Variants in RGS6 observed in about 807,000 individuals in gnomAD.
The protein encoded by RGS6 is regulator of G-protein signaling 6.
A neutral mutation model predicts 78.5 loss-of-function variants in RGS6; 30 were observed. The observed-to-expected ratio is 0.38, with a 90% CI of 0.29 to 0.52. The LOEUF (loss-of-function observed/expected upper bound fraction) is 0.52. Ranked by LOEUF, RGS6 falls within the 20% of genes least tolerant of loss-of-function variation. The pLI is 0.85. For synonymous variants in RGS6, 206 were observed against 206.0 expected, an observed-to-expected ratio of 1.00 and a Z score of 0.00; for missense variants, 495 against 609.7, an observed-to-expected ratio of 0.81 and a Z score of 1.98.
intron 17 of RGS6, chr14:72,540,996 A>G (rs1431615976): frequency 7.8e-7 from 1 of 1,280,852 alleles, no homozygotes; most frequent in Non-Finnish European, 1.0e-6. Context: ...TCCTCTTTCC[A>G]TGCTGGTCGG....
chr14:71,995,486 G>T (rs1017345426), intron 2 of RGS6, among the ~76,000 whole-genome samples: 7 of 152,200 alleles, frequency 4.6e-5, no homozygotes, highest in Admixed American at 4.6e-4. Context: ...GAGTCAAGCT[G>T]TCCGGTTTAT....
chr14:72,029,783 C>T (rs2090542463), intron 2 of RGS6, among the ~76,000 whole-genome samples: 1 of 152,118 alleles, frequency 6.6e-6, no homozygotes, highest in Admixed American at 6.6e-5. Flanking sequence ...GATCTTGGAC[C>T]TTAAGCTGGA....
At chr14:72,302,940 G>A (rs994115574) in intron 2 of RGS6, among the ~76,000 whole-genome samples, 1 of 152,196 alleles carries the variant, frequency 6.6e-6, no homozygotes, top group Non-Finnish European at 1.5e-5. Context: ...GTTTTAGAAA[G>A]GGCTGTTCCC....
chr14:72,277,264 G>C (rs1005885084), intron 2 of RGS6, among the ~76,000 whole-genome samples: 2 of 152,178 alleles, frequency 1.3e-5, no homozygotes, highest in African/African-American at 4.8e-5. Flanking sequence ...TGTTTACTAT[G>C]AGCCCCTTGC....
At chr14:72,186,782 AAC>A in intron 2 of RGS6, among the ~76,000 whole-genome samples, 1 of 152,348 alleles carries the variant, frequency 6.6e-6, no homozygotes, top group South Asian at 2.1e-4. Flanking sequence ...GTGCTATTTA[AAC>A]AGATGCTGAT....
chr14:71,908,376 T>C, the RGS6 span: 3 of 152,232 alleles, frequency 2.0e-5, no homozygotes, highest in Non-Finnish European at 4.4e-5. Context: ...GTGGGAGTTT[T>C]CCATTGTTTT....
intron 2 of RGS6, among the ~76,000 whole-genome samples, chr14:71,997,331 T>A (rs1470193424): frequency 6.6e-6 from 1 of 152,114 alleles, no homozygotes; most frequent in Non-Finnish European, 1.5e-5. Flanking sequence ...CTGTGGGAAG[T>A]CCAGAGCGCA....
chr14:71,973,849 C>T (rs1417619241), intron 2 of RGS6, among the ~76,000 whole-genome samples: 3 of 152,126 alleles, frequency 2.0e-5, no homozygotes, highest in Admixed American at 6.5e-5. Flanking sequence ...AAAAGCTCCC[C>T]CATCACATTA....
At position 72,015,342 on chromosome 14, in the gene RGS6, C is replaced by T. The variant is rs997380415; in HGVS notation, c.84+50467C>T. 5.3e-5 allele frequency among the ~76,000 whole-genome samples: 8 copies of T among 152,182 alleles called. No homozygotes were observed. In the East Asian group the frequency reaches 7.7e-4, roughly 15 times the overall value. On this transcript the variant is annotated intron_variant, in intron 2 of 17. Transcript: ENST00000553525. ...AGCACCAAGCCATTCATGAGGAATC[C>T]GCCATTATGGCCCAAACACCTCCCA... is the stretch of plus-strand genomic sequence containing the variant.
intron 2 of RGS6, among the ~76,000 whole-genome samples, chr14:72,062,961 T>A (rs1263924722): frequency 6.6e-6 from 1 of 152,126 alleles, no homozygotes; most frequent in Non-Finnish European, 1.5e-5. Context: ...TAGCTGAGAT[T>A]TACAGATGTG....
intron 2 of RGS6, among the ~76,000 whole-genome samples, chr14:72,054,335 T>C (rs2093500737): frequency 6.6e-6 from 1 of 152,218 alleles, no homozygotes; most frequent in African/African-American, 2.4e-5. Flanking sequence ...GAGGCATCTT[T>C]GGCTGCAAAG....
At chr14:72,453,965 C>T (rs909064118) in intron 3 of RGS6, among the ~76,000 whole-genome samples, 1 of 152,178 alleles carries the variant, frequency 6.6e-6, no homozygotes, top group African/African-American at 2.4e-5. Context: ...ATTCTATTGG[C>T]AGAACTCAGT....
chr14:72,237,386 C>T (rs1037060732), intron 2 of RGS6, among the ~76,000 whole-genome samples: 50 of 152,282 alleles, frequency 3.3e-4, no homozygotes, highest in African/African-American at 1.2e-3. Context: ...AGTCTTAGCA[C>T]AGAGTCTACA....
Position 72,540,146 on chromosome 14 carries a change from T to C in RGS6, c.1422+52T>C, listed in dbSNP as rs752899281. 2.6e-6 allele frequency: 4 copies of C among 1,540,360 alleles called. No individual in the cohort carries two copies. In the Admixed American group the frequency reaches 8.2e-5, roughly 32 times the overall value. ...AGCTTTTCTTTTGGTTTTGGTTTTT[T>C]CTTTCTTCTTCTTTTTTTTTTTTTT... is the stretch of plus-strand genomic sequence containing the variant. On this transcript the variant is annotated intron_variant, in intron 17 of 17. Transcript: ENST00000553525.
chr14:72,206,539 A>C (rs2042753074), intron 2 of RGS6, among the ~76,000 whole-genome samples: 1 of 152,158 alleles, frequency 6.6e-6, no homozygotes, highest in Non-Finnish European at 1.5e-5. Context: ...AATTTACAAA[A>C]GAAAGAGGTT....
chr14:72,443,169 G>A (rs1811752086), intron 3 of RGS6, among the ~76,000 whole-genome samples: 1 of 152,158 alleles, frequency 6.6e-6, no homozygotes, highest in Non-Finnish European at 1.5e-5. Context: ...AGGAGGGAGG[G>A]TAAGTGTCAG....
intron 16 of RGS6, 39 bp from the exon 17 acceptor site, chr14:72,540,002 C>G (rs1214016429): frequency 6.7e-7 from 1 of 1,494,280 alleles, no homozygotes; most frequent in Admixed American, 2.4e-5. Context: ...TTTTTTTTTT[C>G]TGTATTTTTC....
intron 2 of RGS6, among the ~76,000 whole-genome samples, chr14:72,305,892 A>G (rs1459346344): frequency 6.6e-6 from 1 of 152,242 alleles, no homozygotes; most frequent in African/African-American, 2.4e-5. Context: ...CTTGGGCAAA[A>G]TAATTAGCCA....
At chr14:72,296,364 G>A (rs768256423) in intron 2 of RGS6, among the ~76,000 whole-genome samples, 8 of 152,124 alleles carry the variant, frequency 5.3e-5, no homozygotes, top group Admixed American at 1.3e-4. Flanking sequence ...CCTAGGAGTA[G>A]AATTGCTGAG....
Sources: allele counts gnomAD v4.1 joint callset (sites outside exome capture counted in the v4.1 genomes callset), GRCh38; gene constraint gnomAD v4.1.1; transcripts MANE v1.5; gene names NCBI Gene and HGNC (gene_info 2026-07-23, HGNC 2026-07-21).